Variants in EPG5 observed in about 807,000 individuals in gnomAD.
EPG5 encodes ectopic P granules protein 5 homolog.
A neutral mutation model predicts 302.7 loss-of-function variants in EPG5; 159 were observed. That is an observed-to-expected ratio of 0.53 (90% CI 0.46 to 0.60). EPG5 has a LOEUF of 0.60. Ranked by LOEUF, EPG5 falls within the 20% of genes least tolerant of loss-of-function variation. The probability of loss-of-function intolerance (pLI) is 0.00; values close to 1 mark genes in which losing one functional copy is unlikely to be tolerated. For synonymous variants in EPG5, 1,158 were observed against 1,136.8 expected, an observed-to-expected ratio of 1.02 and a Z score of -0.37; for missense variants, 2,896 against 3,092.4, an observed-to-expected ratio of 0.94 and a Z score of 1.51.
At chr18:45,951,879 A>T (rs1233922816) in intron 3 of EPG5, among the ~76,000 whole-genome samples, 1 of 152,216 alleles carries the variant, frequency 6.6e-6, no homozygotes, top group Non-Finnish European at 1.5e-5. Context: ...CATCCCCCAG[A>T]AATAAAAATT....
intron 42 of EPG5, among the ~76,000 whole-genome samples, chr18:45,856,256 T>C (rs518464): frequency 0.14 from 20,552 of 152,206 alleles, 3,638 homozygotes; most frequent in African/African-American, 0.41. Flanking sequence ...TAAATGAACC[T>C]TGAAAACTTT....
At position 45,917,827 on chromosome 18, in the gene EPG5, A is replaced by G; in HGVS notation, c.3099-8T>C. On this transcript the variant is annotated splice_region_variant and splice_polypyrimidine_tract_variant and intron_variant, in intron 16 of 43. Transcript: ENST00000282041. ...GCACAGAACTTCTCAATGCTATGGA[A>G]AAAGAGAAAGGCACTGAATACACAA... The G allele has an allele frequency of 6.2e-7, 1 of 1,613,980 alleles. No homozygotes were observed.
At position 45,901,215 on chromosome 18, in the gene EPG5, A is replaced by C. The variant is rs370325146; in HGVS notation, c.4475-48T>G. 1.5e-5 allele frequency: 23 copies of C among 1,521,590 alleles called. No homozygotes were observed. The African/African-American group carries it at 2.3e-4, about 15-fold the overall frequency. The allele number at this position is 1,521,590 out of a possible 1,614,324, so 94.3% of individuals were successfully genotyped here. On this transcript the variant is annotated intron_variant, in intron 25 of 43. Transcript: ENST00000282041. ...ATACTGAGCAATCAGGTGAATTAGCAGGAGAACAGAAGCATGTGGTACAAT... is the reference window on the plus strand; with the variant it reads ...ATACTGAGCAATCAGGTGAATTAGCCGGAGAACAGAAGCATGTGGTACAAT...
chr18:45,948,620 C>T (rs756770792), intron 5 of EPG5, 44 bp from the exon 6 acceptor site: 4 of 1,479,288 alleles, frequency 2.7e-6, no homozygotes, highest in South Asian at 1.1e-5. Flanking sequence ...AAACAAATAA[C>T]CCAAGTGTCC....
At chr18:45,810,434 T>G in the EPG5 span, among the ~76,000 whole-genome samples, 1 of 152,074 alleles carries the variant, frequency 6.6e-6, no homozygotes, top group Admixed American at 6.5e-5. Context: ...CAGACCAATA[T>G]CCCCAATGAA....
At chr18:45,813,039 A>C in the EPG5 span, among the ~76,000 whole-genome samples, 7 of 152,166 alleles carry the variant, frequency 4.6e-5, no homozygotes, top group African/African-American at 1.7e-4. Context: ...GGGCTAATAT[A>C]CAGAATCTAC....
chr18:45,838,855 C>T, the EPG5 span: 1 of 1,576,318 alleles, frequency 6.3e-7, no homozygotes, highest in Non-Finnish European at 8.6e-7. Flanking sequence ...GGCAGCCGTG[C>T]GGAGCCCGCG....
intron 10 of EPG5, 104 bp downstream of exon 10, chr18:45,939,496 A>G (rs976599725): frequency 3.2e-5 from 37 of 1,144,748 alleles, no homozygotes; most frequent in Admixed American, 6.9e-5. Flanking sequence ...GATGAAATAC[A>G]CTAAGAAACT....
In EPG5 at chr18:45,939,859, C is replaced by T. The variant is rs72918362; in HGVS notation, c.1944-104G>A. ...TTATTCAACACATATTTATTGAGCA[C>T]CTACTATCCACCTACTATTGTCCAG... On this transcript the variant is annotated intron_variant, in intron 9 of 43. Transcript: ENST00000282041. 0.083 allele frequency: 86,287 copies of T among 1,040,224 alleles called. 4,105 individuals carry two copies. Among genetic ancestry groups the T allele is most frequent in the African/African-American group, 0.16 (10,225 of 62,686 alleles). 64.4% of individuals were successfully genotyped at this position (1,040,224 alleles called of 1,614,324 possible). A position where few individuals can be genotyped will look rare whatever the true frequency, so the allele number is the denominator to read the frequency against.
chr18:45,887,955 T>C (rs760876226), intron 28 of EPG5, 48 bp from the exon 29 acceptor site: 10 of 1,388,742 alleles, frequency 7.2e-6, no homozygotes, highest in African/African-American at 1.4e-5. Flanking sequence ...AAAGATTCCA[T>C]ACTCACAAGG....
chr18:45,856,307 A>G (rs2048514948), intron 42 of EPG5, among the ~76,000 whole-genome samples: 1 of 152,260 alleles, frequency 6.6e-6, no homozygotes, highest in African/African-American at 2.4e-5. Flanking sequence ...GCCACACATT[A>G]TATGATTCCA....
the EPG5 span, among the ~76,000 whole-genome samples, chr18:45,840,619 G>C: frequency 0.16 from 24,575 of 152,216 alleles, 2,524 homozygotes; most frequent in East Asian, 0.34. Context: ...GAGAGCCTAG[G>C]TGAGGGGCCC....
At chr18:45,841,631 C>T in the EPG5 span, among the ~76,000 whole-genome samples, 1 of 152,152 alleles carries the variant, frequency 6.6e-6, no homozygotes, top group East Asian at 1.9e-4. Flanking sequence ...GTGGGCAGCA[C>T]ACAGTGTGAG....
At position 45,954,972 on chromosome 18, in the gene EPG5, T is replaced by C. The variant is rs775702849; in HGVS notation, c.430A>G (p.Asn144Asp). 2 of 1,614,106 alleles carry C rather than the reference T, an allele frequency of 1.2e-6. No individual in the cohort carries two copies. The highest frequency in any genetic ancestry group is 1.3e-5 in the African/African-American group (1 of 75,036). The part of the protein sequence containing the change: ...TPKNFTEVEE[N>D]MSVQGGLSES... ...GAAAGTCCACCTTGTACCGACATAT[T>C]TTCCTCTACCTCTGTGAAGTTCTTG... The change falls in exon 2 of 44, where the codon AAT becomes GAT. Residue 144 changes from asparagine (N) to aspartate (D), a missense_variant. Asn to Asp is a conservative substitution (Grantham distance 23). Around this residue, in one of 5 missense-constraint regions of EPG5, gnomAD observed 1,390 missense variants for 1,430.0 expected, o/e 0.97. Coordinates refer to ENST00000282041, the MANE Select transcript of EPG5 (RefSeq NM_020964.3).
chr18:45,896,828 T>C (rs989627120), intron 27 of EPG5, among the ~76,000 whole-genome samples: 4 of 152,114 alleles, frequency 2.6e-5, no homozygotes, highest in Non-Finnish European at 5.9e-5. Flanking sequence ...ATTACAGGAG[T>C]GACCCACCAC....
chr18:45,837,406 G>A, the EPG5 span: 1 of 1,371,808 alleles, frequency 7.3e-7, no homozygotes, highest in Non-Finnish European at 9.4e-7. Flanking sequence ...GGGGTTTCCA[G>A]GCTAGGGGTT....
chr18:45,922,430 T>G lies in EPG5; in HGVS notation c.3009A>C (p.Ser1003=). The G allele has an allele frequency of 1.2e-6, 2 of 1,614,216 alleles. No homozygotes were observed. Among genetic ancestry groups the G allele is most frequent in the African/African-American group, 2.7e-5 (2 of 75,052 alleles). ...CCTTCAAGAGAGGATGAAACGTGGG[T>G]GACTCTGTCATGTCAGGCACAGTGA... is the stretch of plus-strand genomic sequence containing the variant. ...FSVTVPDMTE[S]PTFHPLLKAV... is the part of the protein sequence containing the mutation. Residue 1003 remains serine, a synonymous_variant, in exon 16 of 44, where the codon TCA becomes TCC. Coordinates refer to ENST00000282041, the MANE Select transcript of EPG5 (RefSeq NM_020964.3).
At chr18:45,891,638 T>G (rs183506255) in intron 27 of EPG5, among the ~76,000 whole-genome samples, 1 of 152,300 alleles carries the variant, frequency 6.6e-6, no homozygotes, top group Admixed American at 6.5e-5. Context: ...ATAACTTTCT[T>G]GTATAAAACT....
At chr18:45,803,559 G>T in the EPG5 span, among the ~76,000 whole-genome samples, 3 of 152,318 alleles carry the variant, frequency 2.0e-5, no homozygotes, top group African/African-American at 7.2e-5. Flanking sequence ...AGAACTGGCA[G>T]ACAGAGTTTG....
Sources: allele counts gnomAD v4.1 joint callset (sites outside exome capture counted in the v4.1 genomes callset), GRCh38; gene constraint gnomAD v4.1.1; regional missense constraint gnomAD v4.1.1; transcripts MANE v1.5; gene names NCBI Gene and HGNC (gene_info 2026-07-23, HGNC 2026-07-21).